PAK5: variants seen among roughly 807,000 people sequenced by gnomAD.
PAK5 encodes the protein serine/threonine-protein kinase PAK 5.
Under a neutral mutation model 65.9 loss-of-function variants are expected in PAK5, and 16 were observed. That is an observed-to-expected ratio of 0.24 (90% CI 0.16 to 0.37). PAK5 has a LOEUF of 0.37. PAK5 is among the 10% of genes least tolerant of loss of function. The pLI is 1.00. For missense variants in PAK5, 785 were observed against 903.9 expected (o/e 0.87, Z 1.69); for synonymous variants, 371 against 354.9 (o/e 1.05, Z -0.51).
At chr20:9,721,981 C>G (rs2048220607) in intron 1 of PAK5, among the ~76,000 whole-genome samples, 1 of 152,050 alleles carries the variant, frequency 6.6e-6, no homozygotes, top group Non-Finnish European at 1.5e-5. Context: ...GAACTTTATT[C>G]CTTTAGGCTA....
chr20:9,781,983 T>C (rs759552987), intron 1 of PAK5, among the ~76,000 whole-genome samples: 2 of 152,192 alleles, frequency 1.3e-5, no homozygotes, highest in East Asian at 1.9e-4. Context: ...TGCTCAGAAC[T>C]CTGCTTTGCC....
rs376602116 is a variant in PAK5, at chr20:9,542,731, C to T, written c.1870-11G>A. On this transcript the variant is annotated splice_polypyrimidine_tract_variant and intron_variant, in intron 8 of 9. Transcript: ENST00000353224. ...GGACCAGATGTCCACCTGTTAGGCA[C>T]ACCCTACTGGTTATCTCAGGCAAGG... 104 of 1,612,854 alleles carry T rather than the reference C, an allele frequency of 6.4e-5. 1 individual carries two copies. The highest frequency in any genetic ancestry group is 2.2e-4 in the South Asian group (20 of 90,968).
At chr20:9,593,639 T>C (rs2046213070) in intron 3 of PAK5, among the ~76,000 whole-genome samples, 1 of 152,206 alleles carries the variant, frequency 6.6e-6, no homozygotes, top group South Asian at 2.1e-4. Context: ...GTTCTCATTG[T>C]TCAACTCTGT....
chr20:9,601,642 C>T (rs1193055169), intron 3 of PAK5, among the ~76,000 whole-genome samples: 1 of 152,144 alleles, frequency 6.6e-6, no homozygotes, highest in East Asian at 1.9e-4. Context: ...TAAGAGCCTC[C>T]CAGTAGAGTG....
At chr20:9,661,438 C>T (rs1483220447) in intron 2 of PAK5, among the ~76,000 whole-genome samples, 1 of 152,146 alleles carries the variant, frequency 6.6e-6, no homozygotes, top group Non-Finnish European at 1.5e-5. Context: ...CCTGTTATCT[C>T]ATTATCTGTT....
chr20:9,646,375 C>T (rs2047135201), intron 2 of PAK5, among the ~76,000 whole-genome samples: 1 of 152,124 alleles, frequency 6.6e-6, no homozygotes, highest in South Asian at 2.1e-4. Flanking sequence ...TTACTTCAGA[C>T]TAATTTGGAA....
At chr20:9,803,835 C>T (rs1038442559) in intron 1 of PAK5, among the ~76,000 whole-genome samples, 4 of 152,078 alleles carry the variant, frequency 2.6e-5, no homozygotes, top group Non-Finnish European at 5.9e-5. Flanking sequence ...GAAATAAAAT[C>T]CTAAAGCCTT....
intron 1 of PAK5, among the ~76,000 whole-genome samples, chr20:9,821,435 G>A (rs1017733819): frequency 6.6e-6 from 1 of 152,062 alleles, no homozygotes; most frequent in Non-Finnish European, 1.5e-5. Flanking sequence ...TCAAATCCAA[G>A]GTTAACTGTG....
chr20:9,581,914 G>C (rs1014163663), intron 3 of PAK5, among the ~76,000 whole-genome samples: 12 of 152,178 alleles, frequency 7.9e-5, no homozygotes, highest in African/African-American at 2.7e-4. Context: ...AACTATCTTG[G>C]ATGGTACAAT....
chr20:9,593,350 T>G (rs2046206870), intron 3 of PAK5, among the ~76,000 whole-genome samples: 1 of 152,056 alleles, frequency 6.6e-6, no homozygotes, highest in Non-Finnish European at 1.5e-5. Flanking sequence ...TCATCCTCAA[T>G]CTCTTTACCA....
intron 2 of PAK5, among the ~76,000 whole-genome samples, chr20:9,701,808 G>A (rs1416644444): frequency 6.6e-6 from 1 of 151,902 alleles, no homozygotes; most frequent in Non-Finnish European, 1.5e-5. Flanking sequence ...AGAGCAGCCA[G>A]GGCAACATAG....
chr20:9,610,665 G>C (rs539438991), intron 3 of PAK5, among the ~76,000 whole-genome samples: 213 of 152,092 alleles, frequency 1.4e-3, no homozygotes, highest in Non-Finnish European at 2.3e-3. Context: ...ACATAGATGC[G>C]CTTGGATTTC....
Position 9,792,817 on chromosome 20 carries a change from G to A in PAK5, c.-162+45945C>T, listed in dbSNP as rs147466031. On this transcript the variant is annotated intron_variant, in intron 1 of 9. Coordinates refer to ENST00000353224, the MANE Select transcript of PAK5 (RefSeq NM_177990.4). ...GGTTACAGGAGATATATTTAACCTCGGATCAAGTGGAAGTTGGCACCTGGA... is the reference window on the plus strand; with the variant it reads ...GGTTACAGGAGATATATTTAACCTCAGATCAAGTGGAAGTTGGCACCTGGA... 6.5e-3 allele frequency among the ~76,000 whole-genome samples: 993 copies of A among 152,140 alleles called. 17 individuals carry two copies. The highest frequency in any genetic ancestry group is 6.5e-3 in the Non-Finnish European group (444 of 67,986).
In PAK5 at chr20:9,581,972, T is replaced by G. The variant is rs554670589; in HGVS notation, c.205-1042A>C. On this transcript the variant is annotated intron_variant, in intron 3 of 9. Transcript: ENST00000353224. ...GAAGTCAAAGTTGTCCTGGAGCTGA[T>G]GTTTTATAGATCTATCCATGGTGAA... is the stretch of plus-strand genomic sequence containing the variant. 7.2e-5 allele frequency among the ~76,000 whole-genome samples: 11 copies of G among 152,344 alleles called. No individual in the cohort carries two copies. In the East Asian group the frequency reaches 2.1e-3, roughly 29 times the overall value.
intron 7 of PAK5, among the ~76,000 whole-genome samples, chr20:9,553,068 G>T (rs2045453695): frequency 6.6e-6 from 1 of 152,058 alleles, no homozygotes; most frequent in African/African-American, 2.4e-5. Context: ...ACAGGAAGTT[G>T]CAACGTGCAC....
intron 2 of PAK5, among the ~76,000 whole-genome samples, chr20:9,700,250 A>C (rs2047922849): frequency 6.6e-6 from 1 of 152,104 alleles, no homozygotes; most frequent in South Asian, 2.1e-4. Flanking sequence ...AGTCTCTACA[A>C]AAATAAAAGA....
intron 2 of PAK5, among the ~76,000 whole-genome samples, chr20:9,655,158 C>T (rs2047250535): frequency 6.6e-6 from 1 of 152,154 alleles, no homozygotes; most frequent in African/African-American, 2.4e-5. Context: ...GTATTATGCT[C>T]TCTCTCCTAA....
At chr20:9,552,092 C>T (rs991828805) in intron 7 of PAK5, among the ~76,000 whole-genome samples, 7 of 152,116 alleles carry the variant, frequency 4.6e-5, no homozygotes, top group African/African-American at 1.7e-4. Flanking sequence ...CACAGTGTTG[C>T]CAGACCCTTT....
chr20:9,706,244 A>T (rs1431134517), intron 2 of PAK5, among the ~76,000 whole-genome samples: 1 of 152,280 alleles, frequency 6.6e-6, no homozygotes, highest in East Asian at 1.9e-4. Context: ...TCGTTTTCAC[A>T]AAAACCTACT....
Sources: gnomAD v4.1 joint callset for allele counts (sites outside exome capture counted in the v4.1 genomes callset) on GRCh38, gnomAD v4.1.1 for gene constraint, MANE v1.5 for transcripts, NCBI Gene and HGNC (gene_info 2026-07-23, HGNC 2026-07-21) for gene names.